The following DCAF8L2 variants were observed in gnomAD, a reference collection of about 807,000 sequenced individuals.
The protein encoded by DCAF8L2 is DDB1 and CUL4 associated factor 8 like 2, also known as DDB1- and CUL4-associated factor 8-like protein 2.
For synonymous variants in DCAF8L2, 200 were observed against 190.9 expected (o/e 1.05, Z -0.39); for missense variants, 430 against 490.7 (o/e 0.88, Z 1.17).
At chrX:27,573,446 T>A in the DCAF8L2 span, among the ~76,000 whole-genome samples, 2 of 111,114 alleles carry the variant, frequency 1.8e-5, no homozygotes, top group Middle Eastern at 4.6e-3. Flanking sequence ...GAGGAACACA[T>A]TTGAAGCCAA....
chrX:27,625,705 G>A (rs1004363168), intron 1 of DCAF8L2, among the ~76,000 whole-genome samples: 107 of 111,712 alleles, frequency 9.6e-4, no homozygotes, highest in African/African-American at 3.4e-3. Context: ...CATGTTTTTT[G>A]CAGCAACGTG....
chrX:27,557,597 T>C, the DCAF8L2 span, among the ~76,000 whole-genome samples: 1 of 111,532 alleles, frequency 9.0e-6, no homozygotes. Flanking sequence ...ATTGTGATGC[T>C]GGAAGCTTTG....
intron 4 of DCAF8L2, among the ~76,000 whole-genome samples, chrX:27,720,242 A>G (rs1602776373): frequency 8.9e-6 from 1 of 112,249 alleles, no homozygotes; most frequent in Non-Finnish European, 1.9e-5. Flanking sequence ...CGTTTAGATA[A>G]TGTCTATTAC....
Position 27,648,669 on chromosome X carries a change from T to C in DCAF8L2, c.-220+16669T>C, listed in dbSNP as rs182386349. On this transcript the variant is annotated intron_variant, in intron 2 of 4. Coordinates refer to ENST00000451261, the MANE Select transcript of DCAF8L2 (RefSeq NM_001353450.2). Reference sequence around the variant, plus strand: ...AATGAATATAGTTTTCTTACAATTTTCACAATCTGTCTTTTTCAGTTGATT... The same window carrying C: ...AATGAATATAGTTTTCTTACAATTTCCACAATCTGTCTTTTTCAGTTGATT... Among the ~76,000 whole-genome samples the C allele has an allele frequency of 2.2e-4, 24 of 110,764 alleles. 1 individual carries two copies. The East Asian group carries it at 6.5e-3, about 30-fold the overall frequency.
chrX:27,739,968 G>T (rs1225102287), intron 4 of DCAF8L2, among the ~76,000 whole-genome samples: 1 of 111,218 alleles, frequency 9.0e-6, no homozygotes, highest in Non-Finnish European at 1.9e-5. Flanking sequence ...CCTCTCTGTG[G>T]GTTCACAGAC....
At chrX:27,549,949 A>G in the DCAF8L2 span, among the ~76,000 whole-genome samples, 2 of 112,070 alleles carry the variant, frequency 1.8e-5, no homozygotes, top group African/African-American at 3.2e-5. Flanking sequence ...TTGAAGGTCC[A>G]TCTCAGCTCC....
the DCAF8L2 span, among the ~76,000 whole-genome samples, chrX:27,510,849 C>T: frequency 2.7e-5 from 3 of 111,233 alleles, no homozygotes; most frequent in South Asian, 7.5e-4. Flanking sequence ...CACTGAAAAG[C>T]AAATTATGTA....
the DCAF8L2 span, among the ~76,000 whole-genome samples, chrX:27,493,127 G>A: frequency 1.3e-4 from 14 of 110,640 alleles, no homozygotes; most frequent in Admixed American, 8.7e-4. Context: ...ATAGTCCCAT[G>A]TACTCAGGGA....
At chrX:27,484,989 A>G in the DCAF8L2 span, among the ~76,000 whole-genome samples, 1 of 111,918 alleles carries the variant, frequency 8.9e-6, no homozygotes, top group Non-Finnish European at 1.9e-5. Context: ...CTAGAGAGGC[A>G]GTTTATATTT....
intron 3 of DCAF8L2, among the ~76,000 whole-genome samples, chrX:27,695,121 A>G (rs1930846330): frequency 9.0e-6 from 1 of 111,515 alleles, no homozygotes; most frequent in Non-Finnish European, 1.9e-5. Context: ...CCCTCCTAAA[A>G]CTTAATTAAC....
rs140290277 is a variant in DCAF8L2, at chrX:27,664,333, T to G, written c.-219-13503T>G. Among the ~76,000 whole-genome samples, 1,117 of 111,912 alleles carry G rather than the reference T, an allele frequency of 1.0e-2. 5 individuals are homozygous for G. The highest frequency in any genetic ancestry group is 0.017 in the Non-Finnish European group (907 of 53,140). On this transcript the variant is annotated intron_variant, in intron 2 of 4. Coordinates refer to ENST00000451261, the MANE Select transcript of DCAF8L2 (RefSeq NM_001353450.2). ...GATCAAACCAGCCGCAACATTCCTTTAAGCCAAAGCCTAATACAGACCAAG... is the reference window on the plus strand; with the variant it reads ...GATCAAACCAGCCGCAACATTCCTTGAAGCCAAAGCCTAATACAGACCAAG...
intron 2 of DCAF8L2, among the ~76,000 whole-genome samples, chrX:27,666,675 G>A (rs769586596): frequency 8.9e-6 from 1 of 112,273 alleles, no homozygotes; most frequent in Non-Finnish European, 1.9e-5. Context: ...TGGTTTGAAA[G>A]ATAATTTTGT....
At chrX:27,604,129 A>G (rs757756587) in intron 1 of DCAF8L2, among the ~76,000 whole-genome samples, 1 of 111,176 alleles carries the variant, frequency 9.0e-6, no homozygotes, top group African/African-American at 3.3e-5. Flanking sequence ...GCATTCACAT[A>G]CAAGCAACAG....
At chrX:27,595,299 A>T (rs1926300795) in intron 1 of DCAF8L2, among the ~76,000 whole-genome samples, 1 of 111,805 alleles carries the variant, frequency 8.9e-6, no homozygotes, top group Non-Finnish European at 1.9e-5. Flanking sequence ...GAAGTCTAAT[A>T]GACACTTTAA....
chrX:27,663,091 C>T (rs1198250229), intron 2 of DCAF8L2, among the ~76,000 whole-genome samples: 1 of 111,314 alleles, frequency 9.0e-6, no homozygotes, highest in Non-Finnish European at 1.9e-5. Flanking sequence ...TGAAAATAAT[C>T]TTGGTCACCT....
chrX:27,573,922 T>C, the DCAF8L2 span, among the ~76,000 whole-genome samples: 1 of 110,786 alleles, frequency 9.0e-6, no homozygotes, highest in Non-Finnish European at 1.9e-5. Context: ...CTCAAATTAC[T>C]GAGTTTAAGT....
At chrX:27,678,484 G>A (rs1170357179) in intron 3 of DCAF8L2, among the ~76,000 whole-genome samples, 2 of 111,928 alleles carry the variant, frequency 1.8e-5, no homozygotes, top group Non-Finnish European at 3.8e-5. Context: ...ATATAGAATC[G>A]AATATTATCC....
chrX:27,533,144 AAG>A, the DCAF8L2 span, among the ~76,000 whole-genome samples: 121 of 23,663 alleles, frequency 5.1e-3, 14 homozygotes, highest in Admixed American at 0.033. Context: ...GGAAGGAAGA[AAG>A]AGAGAGAGAG....
chrX:27,506,982 T>C, the DCAF8L2 span, among the ~76,000 whole-genome samples: 1 of 111,296 alleles, frequency 9.0e-6, no homozygotes, highest in Non-Finnish European at 1.9e-5. Context: ...GCATTTTTTT[T>C]CCCTTTGTCT....
Sources: allele counts gnomAD v4.1 joint callset (sites outside exome capture counted in the v4.1 genomes callset), GRCh38; gene constraint gnomAD v4.1.1; transcripts MANE v1.5; gene names NCBI Gene and HGNC (gene_info 2026-07-23, HGNC 2026-07-21).